KITLG: variants seen among roughly 807,000 people sequenced by gnomAD.
KITLG encodes KIT ligand, also known as c-Kit ligand.
In KITLG, 13 loss-of-function variants were observed where a neutral mutation model predicts 34.1. The observed-to-expected ratio is 0.38, with a 90% CI of 0.25 to 0.61. The LOEUF (loss-of-function observed/expected upper bound fraction) is 0.61, where lower values mean the gene tolerates loss of function less well. Among genes scored for constraint, KITLG ranks in the 20% least tolerant of loss-of-function variants. KITLG has a pLI of 0.60. For synonymous variants in KITLG, 110 were observed against 104.0 expected (o/e 1.06, Z -0.35); for missense variants, 292 against 318.9 (o/e 0.92, Z 0.64).
At chr12:88,577,753 A>ATCAT (rs1450806782) in intron 1 of KITLG, among the ~76,000 whole-genome samples, 2 of 152,218 alleles carry the variant, frequency 1.3e-5, no homozygotes, top group African/African-American at 4.8e-5. Flanking sequence ...AAATGAATGA[A>ATCAT]TCATTCATCA....
At chr12:88,547,966 G>A (rs982972869) in intron 1 of KITLG, among the ~76,000 whole-genome samples, 2 of 152,180 alleles carry the variant, frequency 1.3e-5, no homozygotes, top group African/African-American at 4.8e-5. Flanking sequence ...AGGTTATACA[G>A]TATGTCAAAA....
intron 2 of KITLG, among the ~76,000 whole-genome samples, chr12:88,537,400 C>T (rs1870364541): frequency 6.6e-6 from 1 of 152,046 alleles, no homozygotes; most frequent in Non-Finnish European, 1.5e-5. Context: ...ATTGCATGTT[C>T]TCACTTACAA....
At chr12:88,540,941 G>A (rs1042462518) in intron 2 of KITLG, among the ~76,000 whole-genome samples, 1 of 151,970 alleles carries the variant, frequency 6.6e-6, no homozygotes, top group Non-Finnish European at 1.5e-5. Context: ...TTTTTCGAAG[G>A]TCAAACAAAA....
At position 88,516,342 on chromosome 12, in the gene KITLG, G is replaced by A. The variant is rs774435834; in HGVS notation, c.512C>T (p.Pro171Leu). 6.2e-7 allele frequency: 1 copy of A among 1,610,406 alleles called. No homozygotes were observed. The highest frequency in any genetic ancestry group is 8.5e-7 in the Non-Finnish European group (1 of 1,177,428). ...SDCVVSSTLS[P>L]EKDSRVSVTK... is the part of the protein sequence containing the mutation. Reference sequence around the variant, plus strand: ...ATGCTTACATGTCTTACCTTTCTCAGGACTTAATGTTGAAGAAACCACACA... The same window carrying A: ...ATGCTTACATGTCTTACCTTTCTCAAGACTTAATGTTGAAGAAACCACACA... Residue 171 changes from proline to leucine, a missense_variant, in exon 5 of 10, where the codon CCT (proline) becomes CTT (leucine). Transcript: ENST00000644744.
At chr12:88,526,186 G>A (rs540515087) in intron 3 of KITLG, among the ~76,000 whole-genome samples, 2 of 152,126 alleles carry the variant, frequency 1.3e-5, no homozygotes, top group African/African-American at 2.4e-5. Context: ...TTTAGTAAAT[G>A]GGAACAATAA....
chr12:88,566,400 G>C (rs564135543), intron 1 of KITLG, among the ~76,000 whole-genome samples: 1 of 152,226 alleles, frequency 6.6e-6, no homozygotes. Context: ...AACTTAGCTA[G>C]GTAAGTAAAA....
intron 3 of KITLG, 102 bp from the exon 4 acceptor site, chr12:88,518,969 TCTC>T (rs375912037): frequency 9.7e-7 from 1 of 1,028,188 alleles, no homozygotes; most frequent in African/African-American, 1.6e-5. Flanking sequence ...CTCAAGTGAT[TCTC>T]CTGCCTCAGC....
chr12:88,560,659 T>C lies in KITLG; in HGVS notation c.16-14794A>G, dbSNP rs571180022. Among the ~76,000 whole-genome samples the C allele has an allele frequency of 3.3e-5, 5 of 152,154 alleles. No homozygotes were observed. In the South Asian group the frequency reaches 8.3e-4, roughly 25 times the overall value. Reference sequence around the variant, plus strand: ...AGTCAACTTCAGCTTCACTAATATATCCAAAACAGCTTTAGAAAACAGTGT... The same window carrying C: ...AGTCAACTTCAGCTTCACTAATATACCCAAAACAGCTTTAGAAAACAGTGT... On this transcript the variant is annotated intron_variant, in intron 1 of 9. Coordinates refer to ENST00000644744, the MANE Select transcript of KITLG (RefSeq NM_000899.5).
rs769348074 is a variant in KITLG, at chr12:88,493,636, T to C, written c.*3583A>G. 3.9e-5 allele frequency: 6 copies of C among 151,978 alleles called. No individual in the cohort carries two copies. The highest frequency in any genetic ancestry group is 6.6e-5 in the Admixed American group (1 of 15,232). 9.4% of individuals were successfully genotyped at this position (151,978 alleles called of 1,614,324 possible). A position where few individuals can be genotyped will look rare whatever the true frequency, so the allele number is the denominator to read the frequency against. ...AATTAATGAATTACCCCTTTATAAA[T>C]TGATTCTAAAATATCTTTTGGCATT... On this transcript the variant is annotated 3_prime_UTR_variant, in exon 10 of 10. Coordinates refer to ENST00000644744, the MANE Select transcript of KITLG (RefSeq NM_000899.5).
chr12:88,539,503 C>T (rs1250245192), intron 2 of KITLG, among the ~76,000 whole-genome samples: 3 of 152,074 alleles, frequency 2.0e-5, no homozygotes, highest in Non-Finnish European at 4.4e-5. Flanking sequence ...AAGCTTTTTG[C>T]TTCTTTGTTT....
chr12:88,495,531 T>C lies in KITLG; in HGVS notation c.*1688A>G, dbSNP rs2120770790. 1 of 152,624 alleles carries C rather than the reference T, an allele frequency of 6.6e-6. No homozygotes were observed. Among genetic ancestry groups the C allele is most frequent in the Non-Finnish European group, 1.5e-5 (1 of 67,988 alleles). The allele number at this position is 152,624 out of a possible 1,614,324, so 9.5% of individuals were successfully genotyped here. A position where few individuals can be genotyped will look rare whatever the true frequency, so the allele number is the denominator to read the frequency against. The stretch of plus-strand genomic sequence containing the variant: ...TCATATTTAAGGAACCACAGCATGT[T>C]AGAGAAGAAAGGGACTGTAGGAATC... On this transcript the variant is annotated 3_prime_UTR_variant, in exon 10 of 10. Transcript: ENST00000644744.
intron 3 of KITLG, among the ~76,000 whole-genome samples, chr12:88,524,105 T>C (rs1023539568): frequency 1.3e-5 from 2 of 152,204 alleles, no homozygotes; most frequent in Non-Finnish European, 2.9e-5. Context: ...TTCAGGCAAG[T>C]CATTTAATCT....
At chr12:88,505,331 A>G (rs1350589572) in intron 8 of KITLG, 96 bp from the exon 9 acceptor site, 5 of 935,218 alleles carry the variant, frequency 5.3e-6, no homozygotes, top group Non-Finnish European at 8.6e-6. Flanking sequence ...TTTTCTGTAA[A>G]TATAGTAGCA....
chr12:88,571,179 A>G (rs1223177666), intron 1 of KITLG, among the ~76,000 whole-genome samples: 2 of 152,226 alleles, frequency 1.3e-5, no homozygotes, highest in East Asian at 1.9e-4. Context: ...TACAGCATAC[A>G]GATTTGTATA....
intron 6 of KITLG, among the ~76,000 whole-genome samples, chr12:88,513,191 C>A (rs1869341270): frequency 6.6e-6 from 1 of 151,548 alleles, no homozygotes; most frequent in South Asian, 2.1e-4. Context: ...GCATTTTTTT[C>A]TCAAGTGCTA....
chr12:88,562,874 C>T (rs1202904910), intron 1 of KITLG, among the ~76,000 whole-genome samples: 1 of 152,106 alleles, frequency 6.6e-6, no homozygotes, highest in Non-Finnish European at 1.5e-5. Flanking sequence ...CTATAAAATC[C>T]CCAGAGCTCC....
chr12:88,495,276 T>C lies in KITLG; in HGVS notation c.*1943A>G, dbSNP rs1048639350. 1 of 152,022 alleles carries C rather than the reference T, an allele frequency of 6.6e-6. No individual in the cohort carries two copies. Among genetic ancestry groups the C allele is most frequent in the African/African-American group, 2.4e-5 (1 of 41,428 alleles). The allele number at this position is 152,022 out of a possible 1,614,324, so 9.4% of individuals were successfully genotyped here. On this transcript the variant is annotated 3_prime_UTR_variant, in exon 10 of 10. Transcript: ENST00000644744. ...TGGTTAAATAAATCAAACTACTAGATTGAGAAGTATCTATCTTCTCAATCT... is the reference window on the plus strand; with the variant it reads ...TGGTTAAATAAATCAAACTACTAGACTGAGAAGTATCTATCTTCTCAATCT...
intron 1 of KITLG, among the ~76,000 whole-genome samples, chr12:88,577,170 A>G (rs1871854734): frequency 6.6e-6 from 1 of 152,118 alleles, no homozygotes; most frequent in Admixed American, 6.6e-5. Context: ...AAGTATGTTA[A>G]TTTTCTTCTA....
At chr12:88,499,078 C>T (rs951152177) in intron 9 of KITLG, among the ~76,000 whole-genome samples, 2 of 152,004 alleles carry the variant, frequency 1.3e-5, no homozygotes, top group Admixed American at 6.6e-5. Flanking sequence ...AAGAAGAGTA[C>T]ATTTATCACT....
Sources: gnomAD v4.1 joint callset for allele counts (sites outside exome capture counted in the v4.1 genomes callset) on GRCh38, gnomAD v4.1.1 for gene constraint, MANE v1.5 for transcripts, NCBI Gene and HGNC (gene_info 2026-07-23, HGNC 2026-07-21) for gene names.